The following CAST variants were observed in gnomAD, a reference collection of about 807,000 sequenced individuals.
The protein encoded by CAST is calpastatin.
Under a neutral mutation model 119.6 loss-of-function variants are expected in CAST, and 76 were observed. The observed-to-expected ratio is 0.64, with a 90% CI of 0.53 to 0.77. CAST has a LOEUF of 0.77. CAST is among the 30% of genes least tolerant of loss of function. The pLI is 0.00. For synonymous variants in CAST, 319 were observed against 331.6 expected (o/e 0.96, Z 0.41); for missense variants, 953 against 946.5 (o/e 1.01, Z -0.09).
chr5:96,692,581 C>G (rs1467761028), intron 2 of CAST, among the ~76,000 whole-genome samples: 15 of 152,206 alleles, frequency 9.9e-5, no homozygotes, highest in African/African-American at 3.6e-4. Flanking sequence ...CCTCAGGGCC[C>G]TTGCACGTGC....
chr5:96,245,602 G>A, the CAST span, among the ~76,000 whole-genome samples: 2 of 146,542 alleles, frequency 1.4e-5, no homozygotes, highest in African/African-American at 5.1e-5. Flanking sequence ...GGCTATCAGT[G>A]TTTGCTCTCT....
chr5:96,259,781 A>C, the CAST span, among the ~76,000 whole-genome samples: 3 of 152,130 alleles, frequency 2.0e-5, no homozygotes, highest in Non-Finnish European at 4.4e-5. Flanking sequence ...GCAGTTTATC[A>C]ATAAAGATTG....
chr5:96,310,751 G>T, the CAST span, among the ~76,000 whole-genome samples: 1 of 149,682 alleles, frequency 6.7e-6, no homozygotes, highest in Non-Finnish European at 1.5e-5. Context: ...TTGTATTTTT[G>T]TAGTATCAGT....
At chr5:96,358,178 C>A in the CAST span, among the ~76,000 whole-genome samples, 1 of 152,070 alleles carries the variant, frequency 6.6e-6, no homozygotes, top group East Asian at 1.9e-4. Context: ...GTGGTGATCT[C>A]CCCTCTATCA....
the CAST span, among the ~76,000 whole-genome samples, chr5:96,262,553 A>T: frequency 6.6e-6 from 1 of 152,062 alleles, no homozygotes; most frequent in Non-Finnish European, 1.5e-5. Flanking sequence ...TGTTTGAGAC[A>T]GTGTCTTGCT....
intron 2 of CAST, 72 bp from the exon 3 acceptor site, chr5:96,695,764 T>C: frequency 1.1e-6 from 1 of 902,180 alleles, no homozygotes; most frequent in South Asian, 1.5e-5. Flanking sequence ...TTTGTATTGA[T>C]ATGTAAGTTT....
chr5:96,735,213 G>C (rs138266666), intron 9 of CAST, among the ~76,000 whole-genome samples: 1 of 152,178 alleles, frequency 6.6e-6, no homozygotes, highest in South Asian at 2.1e-4. Context: ...TTCATACTTC[G>C]TATAGATTCA....
intron 1 of CAST, among the ~76,000 whole-genome samples, chr5:96,577,064 A>G (rs1215446946): frequency 6.6e-6 from 1 of 152,110 alleles, no homozygotes; most frequent in Admixed American, 6.6e-5. Context: ...GCTCCCACTT[A>G]CAAGTGAGAA....
the CAST span, among the ~76,000 whole-genome samples, chr5:95,982,664 A>G: frequency 6.6e-6 from 1 of 152,196 alleles, no homozygotes; most frequent in Non-Finnish European, 1.5e-5. Context: ...TATCATTCAC[A>G]TTAGGACTTG....
the CAST span, among the ~76,000 whole-genome samples, chr5:96,035,621 G>C: frequency 6.6e-6 from 1 of 151,884 alleles, no homozygotes; most frequent in East Asian, 1.9e-4. Context: ...AGAGTGGAAT[G>C]GGGGGAATTG....
At chr5:96,454,260 C>T in the CAST span, among the ~76,000 whole-genome samples, 1 of 152,182 alleles carries the variant, frequency 6.6e-6, no homozygotes, top group African/African-American at 2.4e-5. Flanking sequence ...TCATCAGACC[C>T]ATACTACAGA....
chr5:96,454,509 A>C, the CAST span, among the ~76,000 whole-genome samples: 1 of 152,222 alleles, frequency 6.6e-6, no homozygotes, highest in Non-Finnish European at 1.5e-5. Flanking sequence ...TTGTAATAAA[A>C]ATAAACACTT....
chr5:96,440,277 C>T, the CAST span, among the ~76,000 whole-genome samples: 1 of 151,544 alleles, frequency 6.6e-6, no homozygotes, highest in Non-Finnish European at 1.5e-5. Context: ...TTATGCCTGC[C>T]TTATTCCACT....
At chr5:96,016,813 T>C in the CAST span, among the ~76,000 whole-genome samples, 1 of 150,274 alleles carries the variant, frequency 6.7e-6, no homozygotes, top group South Asian at 2.1e-4. Context: ...TGCTGGATGG[T>C]GATTTGGTTA....
chr5:96,568,871 A>G (rs1227263277), intron 1 of CAST, among the ~76,000 whole-genome samples: 1 of 152,100 alleles, frequency 6.6e-6, no homozygotes, highest in Non-Finnish European at 1.5e-5. Flanking sequence ...AGAAGGGACA[A>G]TGAAAGTTGT....
intron 25 of CAST, among the ~76,000 whole-genome samples, chr5:96,764,185 C>A (rs1252205618): frequency 6.6e-6 from 1 of 152,122 alleles, no homozygotes; most frequent in Non-Finnish European, 1.5e-5. Flanking sequence ...ATGGATTTTG[C>A]TATAATAATA....
In CAST at chr5:96,670,534, G is replaced by T. The variant is rs561755523; in HGVS notation, c.76-5005G>T. On this transcript the variant is annotated intron_variant, in intron 1 of 31. Transcript: ENST00000675179. ...TTTTTTTTGTGATGGAGTTTTGCTC[G>T]TTACTCAGGCTGGAGTGCAATGGCA... is the stretch of plus-strand genomic sequence containing the variant. Among the ~76,000 whole-genome samples, 3 of 151,772 alleles carry T rather than the reference G, an allele frequency of 2.0e-5. No individual in the cohort carries two copies. In the East Asian group the frequency reaches 5.8e-4, roughly 29 times the overall value.
At chr5:96,741,222 G>C in intron 13 of CAST, 44 bp from the exon 14 acceptor site, 1 of 1,027,296 alleles carries the variant, frequency 9.7e-7, no homozygotes, top group Non-Finnish European at 1.5e-6. Context: ...TCTTCCACTT[G>C]AGTGCTTCCC....
chr5:96,419,649 T>C, the CAST span, among the ~76,000 whole-genome samples: 1 of 151,896 alleles, frequency 6.6e-6, no homozygotes. Context: ...CTCTCAATGC[T>C]GTGTGGAAGA....
Sources: allele counts gnomAD v4.1 joint callset (sites outside exome capture counted in the v4.1 genomes callset), GRCh38; gene constraint gnomAD v4.1.1; transcripts MANE v1.5; gene names NCBI Gene and HGNC (gene_info 2026-07-23, HGNC 2026-07-21).